Variants in CCSER1 observed in about 807,000 individuals in gnomAD.
The protein encoded by CCSER1 is coiled-coil serine rich protein 1, also known as serine-rich coiled-coil domain-containing protein 1.
Under a neutral mutation model 82.0 loss-of-function variants are expected in CCSER1, and 41 were observed. That is an observed-to-expected ratio of 0.50 (90% CI 0.39 to 0.65). The LOEUF (loss-of-function observed/expected upper bound fraction) is 0.65, where lower values mean the gene tolerates loss of function less well. Among genes scored for constraint, CCSER1 ranks in the 30% least tolerant of loss-of-function variants. The pLI is 0.00. For missense variants in CCSER1, 1,119 were observed against 1,064.2 expected (o/e 1.05, Z -0.72); for synonymous variants, 414 against 383.9 (o/e 1.08, Z -0.92).
At chr4:91,140,366 C>T (rs1458680459) in intron 10 of CCSER1, among the ~76,000 whole-genome samples, 1 of 151,716 alleles carries the variant, frequency 6.6e-6, no homozygotes, top group Non-Finnish European at 1.5e-5. Context: ...GGTAATATTG[C>T]TTAATAATAG....
At chr4:90,625,687 T>G (rs2148900688) in intron 5 of CCSER1, among the ~76,000 whole-genome samples, 1 of 152,366 alleles carries the variant, frequency 6.6e-6, no homozygotes. Context: ...TCTCTGCAAC[T>G]TCAGCCATCA....
At chr4:91,380,470 C>T (rs1335456370) in intron 10 of CCSER1, among the ~76,000 whole-genome samples, 1 of 152,162 alleles carries the variant, frequency 6.6e-6, no homozygotes, top group Non-Finnish European at 1.5e-5. Flanking sequence ...GTTAGCTCTA[C>T]TTGTTGAATT....
At chr4:90,745,959 C>G (rs1238212056) in intron 7 of CCSER1, among the ~76,000 whole-genome samples, 1 of 152,044 alleles carries the variant, frequency 6.6e-6, no homozygotes, top group East Asian at 1.9e-4. Flanking sequence ...CTCGGCCTCC[C>G]AAAGTGCTGG....
chr4:91,229,136 G>A (rs1250197064), intron 10 of CCSER1, among the ~76,000 whole-genome samples: 2 of 151,948 alleles, frequency 1.3e-5, no homozygotes, highest in Non-Finnish European at 2.9e-5. Flanking sequence ...TGTGATGAAC[G>A]AGGAAAGGTA....
At chr4:91,261,165 T>G (rs1177348861) in intron 10 of CCSER1, among the ~76,000 whole-genome samples, 1 of 152,212 alleles carries the variant, frequency 6.6e-6, no homozygotes, top group Non-Finnish European at 1.5e-5. Flanking sequence ...TTTTTTCTAA[T>G]TTTTCAGATG....
At chr4:90,934,284 A>G (rs1231819351) in intron 9 of CCSER1, among the ~76,000 whole-genome samples, 2 of 152,186 alleles carry the variant, frequency 1.3e-5, no homozygotes, top group Non-Finnish European at 2.9e-5. Flanking sequence ...TTTGTGTGTT[A>G]TAACATTTAA....
At chr4:91,371,065 A>G (rs1041518072) in intron 10 of CCSER1, among the ~76,000 whole-genome samples, 14 of 151,904 alleles carry the variant, frequency 9.2e-5, no homozygotes, top group Non-Finnish European at 1.9e-4. Flanking sequence ...GTTTCATCAT[A>G]TTGGCCAGGC....
intron 5 of CCSER1, among the ~76,000 whole-genome samples, chr4:90,591,909 T>C (rs1327465749): frequency 2.6e-5 from 4 of 152,060 alleles, no homozygotes; most frequent in Admixed American, 1.3e-4. Context: ...CTGGACACCA[T>C]CATCCTCAGC....
chr4:91,144,765 T>C (rs777691435), intron 10 of CCSER1, among the ~76,000 whole-genome samples: 1 of 152,066 alleles, frequency 6.6e-6, no homozygotes, highest in Non-Finnish European at 1.5e-5. Context: ...TGTAATTGCA[T>C]GGTTTTTCAG....
At chr4:90,771,233 G>A (rs1020839226) in intron 7 of CCSER1, among the ~76,000 whole-genome samples, 1 of 151,680 alleles carries the variant, frequency 6.6e-6, no homozygotes, top group African/African-American at 2.4e-5. Context: ...CCCTTCATTC[G>A]AAATAAAATA....
chr4:91,551,656 A>ACAC (rs1762162402), intron 10 of CCSER1, among the ~76,000 whole-genome samples: 2 of 139,524 alleles, frequency 1.4e-5, no homozygotes, highest in South Asian at 2.4e-4. Flanking sequence ...GCAAAAAACA[A>ACAC]ACACACACAC....
At chr4:90,435,917 C>T (rs1397113405) in intron 4 of CCSER1, among the ~76,000 whole-genome samples, 1 of 151,634 alleles carries the variant, frequency 6.6e-6, no homozygotes, top group African/African-American at 2.4e-5. Flanking sequence ...TGTTTATGGA[C>T]TATAAACCAA....
intron 5 of CCSER1, among the ~76,000 whole-genome samples, chr4:90,493,013 T>A (rs185435802): frequency 0.017 from 2,514 of 152,070 alleles, 69 homozygotes; most frequent in African/African-American, 0.058. Context: ...ATAAAAACCT[T>A]GAAAAAAGAT....
intron 10 of CCSER1, among the ~76,000 whole-genome samples, chr4:91,315,328 T>G (rs1218607206): frequency 1.3e-5 from 2 of 151,942 alleles, no homozygotes; most frequent in African/African-American, 4.8e-5. Flanking sequence ...GAGCATGGTA[T>G]TAATAGAAAG....
chr4:90,669,127 A>G (rs556888694), intron 6 of CCSER1, among the ~76,000 whole-genome samples: 10 of 152,204 alleles, frequency 6.6e-5, no homozygotes, highest in South Asian at 2.1e-4. Context: ...GTGAACTCCA[A>G]TAATGAATAT....
At chr4:91,039,336 C>A (rs1391213520) in intron 9 of CCSER1, among the ~76,000 whole-genome samples, 1 of 152,094 alleles carries the variant, frequency 6.6e-6, no homozygotes, top group Non-Finnish European at 1.5e-5. Flanking sequence ...AGCCACTGCA[C>A]CCAGCTCATT....
intron 5 of CCSER1, among the ~76,000 whole-genome samples, chr4:90,579,165 T>C (rs927651265): frequency 6.6e-6 from 1 of 152,178 alleles, no homozygotes; most frequent in African/African-American, 2.4e-5. Context: ...TTTCGCATGC[T>C]ATATTACAGG....
At chr4:90,367,408 A>C (rs17016922) in intron 3 of CCSER1, among the ~76,000 whole-genome samples, 41,245 of 151,636 alleles carry the variant, frequency 0.27, 6,832 homozygotes, top group African/African-American at 0.46. Context: ...AATAATAATA[A>C]CATTTTCCTC....
intron 10 of CCSER1, among the ~76,000 whole-genome samples, chr4:91,152,183 G>C (rs1730285172): frequency 2.0e-5 from 3 of 152,096 alleles, no homozygotes; most frequent in Non-Finnish European, 4.4e-5. Flanking sequence ...ATATATTTAG[G>C]ATAGTTAGCT....
Sources: allele counts gnomAD v4.1 joint callset (sites outside exome capture counted in the v4.1 genomes callset), GRCh38; gene constraint gnomAD v4.1.1; transcripts MANE v1.5; gene names NCBI Gene and HGNC (gene_info 2026-07-23, HGNC 2026-07-21).